Variants in USP38 observed in about 807,000 individuals in gnomAD.
USP38 encodes the protein ubiquitin carboxyl-terminal hydrolase 38.
A neutral mutation model predicts 94.3 loss-of-function variants in USP38; 49 were observed. The observed-to-expected ratio is 0.52, with a 90% CI of 0.41 to 0.66. The LOEUF (loss-of-function observed/expected upper bound fraction) is 0.66. Among genes scored for constraint, USP38 ranks in the 30% least tolerant of loss-of-function variants. USP38 has a pLI of 0.00. For missense variants in USP38, 1,128 were observed against 1,229.4 expected (o/e 0.92, Z 1.23); for synonymous variants, 468 against 463.6 (o/e 1.01, Z -0.12).
intron 6 of USP38, among the ~76,000 whole-genome samples, chr4:143,209,071 T>C (rs1731953211): frequency 6.8e-6 from 1 of 146,086 alleles, no homozygotes; most frequent in Middle Eastern, 3.2e-3. Flanking sequence ...GCATATTTTT[T>C]TATTTCATGA....
At chr4:143,208,799 A>G (rs1443875705) in intron 6 of USP38, among the ~76,000 whole-genome samples, 1 of 151,600 alleles carries the variant, frequency 6.6e-6, no homozygotes, top group East Asian at 1.9e-4. Context: ...TCCACTTTTC[A>G]TTTGTAGCAT....
chr4:143,208,739 A>G (rs1452872562), intron 6 of USP38, among the ~76,000 whole-genome samples: 1 of 151,876 alleles, frequency 6.6e-6, no homozygotes, highest in African/African-American at 2.4e-5. Context: ...CACAATTCAA[A>G]TTTGTGGGGT....
rs1315511450 is a variant in USP38 at position 143,222,887 on chromosome 4, C to T, written c.*2431C>T. 2.0e-5 allele frequency: 3 copies of T among 152,024 alleles called. No homozygotes were observed. Among genetic ancestry groups the T allele is most frequent in the Non-Finnish European group, 4.4e-5 (3 of 67,960 alleles). The allele number at this position is 152,024 out of a possible 1,614,324, so 9.4% of individuals were successfully genotyped here. Reference sequence around the variant, plus strand: ...CATATTCCTAACCCGTGTACTAGCTCCAACTGTTGTGAGGTTTGACTCTGA... The same window carrying T: ...CATATTCCTAACCCGTGTACTAGCTTCAACTGTTGTGAGGTTTGACTCTGA... On this transcript the variant is annotated 3_prime_UTR_variant, in exon 10 of 10. Transcript: ENST00000307017.
Position 143,222,898 on chromosome 4 carries a change from G to C in USP38, c.*2442G>C, listed in dbSNP as rs538414099. 16 of 152,168 alleles carry C rather than the reference G, an allele frequency of 1.1e-4. No homozygotes were observed. The highest frequency in any genetic ancestry group is 3.9e-4 in the Admixed American group (6 of 15,266). 9.4% of individuals were successfully genotyped at this position (152,168 alleles called of 1,614,324 possible). On this transcript the variant is annotated 3_prime_UTR_variant, in exon 10 of 10. Transcript: ENST00000307017. The stretch of plus-strand genomic sequence containing the variant: ...CCCGTGTACTAGCTCCAACTGTTGT[G>C]AGGTTTGACTCTGAAGACTGAGTAG...
At chr4:143,212,455 G>GT in intron 8 of USP38, 31 bp downstream of exon 8, 1 of 1,488,332 alleles carries the variant, frequency 6.7e-7, no homozygotes, top group Non-Finnish European at 9.2e-7. Flanking sequence ...TGTGATTTGA[G>GT]TGTTGTCTTT....
At position 143,223,352 on chromosome 4, in the gene USP38, T is replaced by TA. The variant is rs1383450159; in HGVS notation, c.*2901dup. On this transcript the variant is annotated 3_prime_UTR_variant, in exon 10 of 10. Transcript: ENST00000307017. ...TTGGTAGATCCTTTGGATGTAGAGA[T>TA]AAAAATTCATTATGATGCTAGAGGC... 2 of 152,116 alleles carry TA rather than the reference T, an allele frequency of 1.3e-5. No individual in the cohort carries two copies. The highest frequency in any genetic ancestry group is 2.9e-5 in the Non-Finnish European group (2 of 67,980). 9.4% of individuals were successfully genotyped at this position (152,116 alleles called of 1,614,324 possible). A position where few individuals can be genotyped will look rare whatever the true frequency, so the allele number is the denominator to read the frequency against.
At position 143,223,582 on chromosome 4, in the gene USP38, T is replaced by C. The variant is rs994215996; in HGVS notation, c.*3126T>C. 9 of 152,108 alleles carry C rather than the reference T, an allele frequency of 5.9e-5. No homozygotes were observed. The highest frequency in any genetic ancestry group is 2.1e-4 in the South Asian group (1 of 4,836). The allele number at this position is 152,108 out of a possible 1,614,324, so 9.4% of individuals were successfully genotyped here. ...AGCTATCATCTTATAATAAGTGGAA[T>C]TGGATGCTTATTGTGTGCCCAGCAC... On this transcript the variant is annotated 3_prime_UTR_variant, in exon 10 of 10. Transcript: ENST00000307017.
At position 143,214,023 on chromosome 4, in the gene USP38, A is replaced by C. The variant is rs1732108642; in HGVS notation, c.2047A>C (p.Asn683His). Reference protein sequence around the residue: ...VNEKTIGSPPNEFYCSENTSV... With the variant: ...VNEKTIGSPPHEFYCSENTSV... ...TGAAAAAACCATAGGCAGTCCTCCT[A>C]ATGAGTTTTACTGTTCTGAAAACAC... Residue 683 changes from asparagine (N) to histidine (H), a missense_variant, in exon 9 of 10, where the codon AAT (asparagine) becomes CAT (histidine). Transcript: ENST00000307017. 1 of 1,613,482 alleles carries C rather than the reference A, an allele frequency of 6.2e-7. No homozygotes were observed. Among genetic ancestry groups the C allele is most frequent in the Non-Finnish European group, 8.5e-7 (1 of 1,179,836 alleles).
chr4:143,192,509 A>G (rs1731425018), intron 2 of USP38, among the ~76,000 whole-genome samples: 1 of 148,782 alleles, frequency 6.7e-6, no homozygotes, highest in Non-Finnish European at 1.5e-5. Flanking sequence ...ATTGTGGTAG[A>G]GATCTAACTT....
chr4:143,185,487 C>T lies in USP38; in HGVS notation c.37C>T (p.His13Tyr). The change falls in exon 1 of 10, where the codon CAT becomes TAT. Residue 13 changes from histidine to tyrosine, a missense_variant. Physicochemically the swap from His to Tyr is moderately conservative, Grantham distance 83 (BLOSUM62 2). Transcript: ENST00000307017. The stretch of plus-strand genomic sequence containing the variant: ...CCTGGAGGGCCTTGTGAGTTCCTCG[C>T]ATCCCCTGCCCCTCAAGCGGGTGAT... ...KILEGLVSSSHPLPLKRVIVR... is the reference protein window; with the variant it reads ...KILEGLVSSSYPLPLKRVIVR... The T allele has an allele frequency of 6.2e-7, 1 of 1,604,516 alleles. No homozygotes were observed. Among genetic ancestry groups the T allele is most frequent in the Non-Finnish European group, 8.5e-7 (1 of 1,174,740 alleles).
In USP38 at chr4:143,213,769, T is replaced by C. The variant is rs766310307; in HGVS notation, c.1793T>C (p.Ile598Thr). 6.2e-7 allele frequency: 1 copy of C among 1,613,788 alleles called. No individual in the cohort carries two copies. Among genetic ancestry groups the C allele is most frequent in the Non-Finnish European group, 8.5e-7 (1 of 1,179,822 alleles). The change falls in exon 9 of 10, where the codon ATA (isoleucine) becomes ACA (threonine). Residue 598 changes from isoleucine to threonine, a missense_variant. Coordinates refer to ENST00000307017, the MANE Select transcript of USP38 (RefSeq NM_032557.6). ...TTTGGAGGAAAACTACGAACTCACA[T>C]ACGTTGTTTGAACTGCAGGAGTACC... is the stretch of plus-strand genomic sequence containing the variant. The part of the protein sequence containing the change: ...KMFGGKLRTH[I>T]RCLNCRSTSQ...
Position 143,214,304 on chromosome 4 carries a change from G to A in USP38, c.2328G>A (p.Val776=). Residue 776 remains valine (V), a synonymous_variant, in exon 9 of 10, where the codon GTG becomes GTA. Coordinates refer to ENST00000307017, the MANE Select transcript of USP38 (RefSeq NM_032557.6). The part of the protein sequence containing the change: ...LRFSYDQKYH[V]RRKILDNVSL... ...TTTCATATGATCAGAAGTATCATGT[G>A]AGAAGGAAAATTTTAGACAATGTAT... 3 of 1,612,764 alleles carry A rather than the reference G, an allele frequency of 1.9e-6. 1 individual carries two copies. Among genetic ancestry groups the A allele is most frequent in the East Asian group, 2.2e-5 (1 of 44,868 alleles).
chr4:143,203,878 C>T (rs903011127), intron 5 of USP38, among the ~76,000 whole-genome samples: 2 of 152,002 alleles, frequency 1.3e-5, no homozygotes, highest in Admixed American at 6.6e-5. Context: ...CAGATTTGCA[C>T]CCCAATATTA....
intron 2 of USP38, among the ~76,000 whole-genome samples, chr4:143,189,822 C>G (rs182584302): frequency 6.6e-6 from 1 of 151,920 alleles, no homozygotes; most frequent in South Asian, 2.1e-4. Flanking sequence ...GTTTGATAAT[C>G]TGTATTTTTA....
At position 143,214,452 on chromosome 4, in the gene USP38, C is replaced by T. The variant is rs1732126293; in HGVS notation, c.2476C>T (p.Pro826Ser). 4 of 1,613,478 alleles carry T rather than the reference C, an allele frequency of 2.5e-6. No individual in the cohort carries two copies. Among genetic ancestry groups the T allele is most frequent in the Non-Finnish European group, 3.4e-6 (4 of 1,179,814 alleles). Reference protein sequence around the residue: ...LSENLAKKLKPSGTDEASCTK... With the variant: ...LSENLAKKLKSSGTDEASCTK... Reference sequence around the variant, plus strand: ...TGAGAACCTTGCTAAAAAATTAAAGCCTTCAGGGACTGATGAAGCTTCCTG... The same window carrying T: ...TGAGAACCTTGCTAAAAAATTAAAGTCTTCAGGGACTGATGAAGCTTCCTG... The change falls in exon 9 of 10, where the codon CCT becomes TCT. Residue 826 changes from proline to serine, a missense_variant. Physicochemically the swap from Pro to Ser is moderately conservative, Grantham distance 74. Coordinates refer to ENST00000307017, the MANE Select transcript of USP38 (RefSeq NM_032557.6).
intron 9 of USP38, among the ~76,000 whole-genome samples, chr4:143,219,675 A>G: frequency 6.6e-6 from 1 of 152,098 alleles, no homozygotes. Flanking sequence ...TTTAGAATCC[A>G]GTTGTATACC....
intron 8 of USP38, 67 bp downstream of exon 8, chr4:143,212,491 T>C (rs1268396393): frequency 6.9e-6 from 7 of 1,020,982 alleles, no homozygotes; most frequent in Non-Finnish European, 9.9e-6. Flanking sequence ...CTACTTAATA[T>C]TGCTTTTACC....
chr4:143,206,170 C>T lies in USP38; in HGVS notation c.1347C>T (p.Asn449=). ...KSETGKTGLI[N]LGNTCYMNSV... ...AAACTGGGAAAACTGGTCTTATTAACCTAGGAAATACATGTTATATGAACA... is the reference window on the plus strand; with the variant it reads ...AAACTGGGAAAACTGGTCTTATTAATCTAGGAAATACATGTTATATGAACA... The change falls in exon 6 of 10, where the codon AAC becomes AAT. Residue 449 remains asparagine (N), a synonymous_variant. Transcript: ENST00000307017. The T allele has an allele frequency of 2.5e-6, 4 of 1,613,450 alleles. No homozygotes were observed. The highest frequency in any genetic ancestry group is 3.4e-6 in the Non-Finnish European group (4 of 1,179,810).
At chr4:143,198,323 T>C (rs1175087520) in intron 4 of USP38, among the ~76,000 whole-genome samples, 2 of 152,230 alleles carry the variant, frequency 1.3e-5, no homozygotes, top group South Asian at 4.1e-4. Flanking sequence ...CAAATCCTGT[T>C]GACCCCACCT....
Sources: allele counts gnomAD v4.1 joint callset (sites outside exome capture counted in the v4.1 genomes callset), GRCh38; gene constraint gnomAD v4.1.1; transcripts MANE v1.5; gene names NCBI Gene and HGNC (gene_info 2026-07-23, HGNC 2026-07-21).